Variants in KDM2B observed in about 807,000 individuals in gnomAD.
KDM2B encodes the protein lysine-specific demethylase 2B.
A neutral mutation model predicts 150.0 loss-of-function variants in KDM2B; 26 were observed. The observed-to-expected ratio is 0.17, with a 90% CI of 0.13 to 0.24. The LOEUF is 0.24. Ranked by LOEUF, KDM2B falls within the 10% of genes least tolerant of loss-of-function variation. The probability of loss-of-function intolerance (pLI) is 1.00; values close to 1 mark genes in which losing one functional copy is unlikely to be tolerated. For synonymous variants in KDM2B, 734 were observed against 729.5 expected, an observed-to-expected ratio of 1.01 and a Z score of -0.10; for missense variants, 1,265 against 1,816.9, an observed-to-expected ratio of 0.70 and a Z score of 5.52.
intron 11 of KDM2B, among the ~76,000 whole-genome samples, chr12:121,503,647 G>A (rs1593975394): frequency 6.6e-6 from 1 of 152,092 alleles, no homozygotes; most frequent in South Asian, 2.1e-4. Context: ...GGGGATGAGG[G>A]GGCTGCTGAG....
At chr12:121,578,673 T>A in intron 2 of KDM2B, 129 bp downstream of exon 2, 2 of 103,296 alleles carry the variant, frequency 1.9e-5, no homozygotes, top group Admixed American at 1.6e-4. Context: ...GTGCTCGGCC[T>A]CGTTTCGTCA....
intron 12 of KDM2B, among the ~76,000 whole-genome samples, chr12:121,474,625 A>C (rs1555296440): frequency 6.6e-6 from 1 of 152,160 alleles, no homozygotes; most frequent in East Asian, 1.9e-4. Flanking sequence ...ACAAGAATAT[A>C]ATACCATATT....
chr12:121,420,463 A>G, the KDM2B span: 21 of 1,562,722 alleles, frequency 1.3e-5, no homozygotes, highest in Non-Finnish European at 1.8e-5. Flanking sequence ...GTATACTGAA[A>G]CACTTCTAGG....
chr12:121,572,532 C>T (rs1163277427), intron 4 of KDM2B, among the ~76,000 whole-genome samples: 2 of 152,176 alleles, frequency 1.3e-5, no homozygotes, highest in Non-Finnish European at 2.9e-5. Context: ...TGTTCAAATG[C>T]CCCCCTTCAT....
chr12:121,413,671 G>C, the KDM2B span, among the ~76,000 whole-genome samples: 3 of 147,092 alleles, frequency 2.0e-5, no homozygotes, highest in Admixed American at 6.9e-5. Context: ...TCCGCCTCCC[G>C]GGTTCACGCC....
At chr12:121,519,945 T>C (rs1555305582) in intron 9 of KDM2B, among the ~76,000 whole-genome samples, 1 of 152,100 alleles carries the variant, frequency 6.6e-6, no homozygotes, top group African/African-American at 2.4e-5. Context: ...CAGGATGGAG[T>C]GCAGTGGCGT....
chr12:121,480,166 G>T (rs1387426516), intron 12 of KDM2B, among the ~76,000 whole-genome samples: 3 of 149,046 alleles, frequency 2.0e-5, no homozygotes, highest in African/African-American at 7.8e-5. Context: ...GGGCAAGGAG[G>T]GGGCCAAGGC....
the KDM2B span, among the ~76,000 whole-genome samples, chr12:121,411,548 A>G: frequency 6.6e-6 from 1 of 152,204 alleles, no homozygotes; most frequent in African/African-American, 2.4e-5. Flanking sequence ...AAAGGTCATA[A>G]TCTCTGACAG....
At chr12:121,559,732 C>G (rs1454944783) in intron 4 of KDM2B, among the ~76,000 whole-genome samples, 1 of 151,734 alleles carries the variant, frequency 6.6e-6, no homozygotes, top group Non-Finnish European at 1.5e-5. Flanking sequence ...GAAACTCCGT[C>G]TCTACTAAAA....
At chr12:121,466,579 G>T (rs1555294825) in intron 12 of KDM2B, among the ~76,000 whole-genome samples, 3 of 151,542 alleles carry the variant, frequency 2.0e-5, no homozygotes, top group African/African-American at 7.3e-5. Context: ...GCCGGCCCGC[G>T]GCTCGCACCC....
Position 121,444,152 on chromosome 12 carries a change from C to T in KDM2B, c.2311G>A (p.Glu771Lys). The change falls in exon 16 of 23, where the codon GAG becomes AAG. Residue 771 changes from glutamate (E) to lysine (K), a missense_variant. Physicochemically the swap from Glu to Lys is moderately conservative, Grantham distance 56. Around this residue, in one of 11 missense-constraint regions of KDM2B, gnomAD observed 418 missense variants for 402.4 expected, o/e 1.04. Transcript: ENST00000377071. Reference protein sequence around the residue: ...QEPAKRRSECEEAPRRRSDEH... With the variant: ...QEPAKRRSECKEAPRRRSDEH... ...TCCGACCTGCGCCGGGGCGCCTCCT[C>T]ACACTCACTCCTCCGCTTGGCAGGT... 1 of 1,612,640 alleles carries T rather than the reference C, an allele frequency of 6.2e-7. No homozygotes were observed. Among genetic ancestry groups the T allele is most frequent in the South Asian group, 1.1e-5 (1 of 91,090 alleles).
intron 6 of KDM2B, among the ~76,000 whole-genome samples, chr12:121,544,338 T>C (rs1888849925): frequency 6.6e-6 from 1 of 152,028 alleles, no homozygotes; most frequent in Non-Finnish European, 1.5e-5. Context: ...TGGCTGGGCA[T>C]GGTGGCTCAC....
At chr12:121,415,840 CTT>C in the KDM2B span, among the ~76,000 whole-genome samples, 17 of 108,062 alleles carry the variant, frequency 1.6e-4, no homozygotes, top group Admixed American at 3.1e-4. Flanking sequence ...TTTGTCCAGT[CTT>C]TTTTTTTTTT....
intron 8 of KDM2B, among the ~76,000 whole-genome samples, chr12:121,528,247 A>T (rs1887322110): frequency 6.6e-6 from 1 of 152,224 alleles, no homozygotes; most frequent in African/African-American, 2.4e-5. Context: ...TAAAGCCTGA[A>T]GAATAGCACC....
intron 14 of KDM2B, chr12:121,445,006 G>C: frequency 2.1e-6 from 1 of 476,054 alleles, no homozygotes; most frequent in Non-Finnish European, 3.8e-6. Flanking sequence ...AGCAGCCTGT[G>C]TTTGCCATCT....
Position 121,433,083 on chromosome 12 carries a change from A to G in KDM2B, c.3830-2614T>C, listed in dbSNP as rs527936426. ...GGAGGCCCAGCTGGCTCCTTTTCTG[A>G]GTTGTCTTTGGGTACTAATTTGGGC... On this transcript the variant is annotated intron_variant, in intron 22 of 22. Coordinates refer to ENST00000377071, the MANE Select transcript of KDM2B (RefSeq NM_032590.5). The G allele has an allele frequency of 6.3e-4, 287 of 452,142 alleles. 1 individual carries two copies. The highest frequency in any genetic ancestry group is 4.3e-3 in the South Asian group (279 of 64,138). The allele number at this position is 452,142 out of a possible 1,614,324, so 28.0% of individuals were successfully genotyped here.
At chr12:121,431,433 G>A (rs782803944) in intron 22 of KDM2B, among the ~76,000 whole-genome samples, 9 of 151,260 alleles carry the variant, frequency 6.0e-5, no homozygotes, top group Non-Finnish European at 2.9e-5. Flanking sequence ...ACAGGCTTGC[G>A]CTACTGTGCC....
chr12:121,521,826 G>T lies in KDM2B; in HGVS notation c.932-726C>A, dbSNP rs781944025. On this transcript the variant is annotated intron_variant, in intron 8 of 22. Transcript: ENST00000377071. This position sits in a 1 kb window ranked among gnomAD's most constrained non-coding sequence, Gnocchi z 4.9. ...CACCATCACAAGGGAAACGGAGGCAGGGCCAGGTGTAGTGGTGCACCTCTG... is the reference window on the plus strand; with the variant it reads ...CACCATCACAAGGGAAACGGAGGCATGGCCAGGTGTAGTGGTGCACCTCTG... Among the ~76,000 whole-genome samples the T allele has an allele frequency of 6.6e-6, 1 of 152,218 alleles. No individual in the cohort carries two copies. Among genetic ancestry groups the T allele is most frequent in the African/African-American group, 2.4e-5 (1 of 41,460 alleles).
intron 22 of KDM2B, among the ~76,000 whole-genome samples, chr12:121,432,952 G>A (rs533240807): frequency 1.1e-4 from 16 of 152,230 alleles, no homozygotes; most frequent in Non-Finnish European, 8.8e-5. Flanking sequence ...CCATCTGGCT[G>A]GCACACTGCT....
Sources: allele counts gnomAD v4.1 joint callset (sites outside exome capture counted in the v4.1 genomes callset), GRCh38; gene constraint gnomAD v4.1.1; regional missense constraint gnomAD v4.1.1; non-coding constraint Gnocchi (gnomAD v3.1); transcripts MANE v1.5; gene names NCBI Gene and HGNC (gene_info 2026-07-23, HGNC 2026-07-21).